CC2D2B: variants seen among roughly 807,000 people sequenced by gnomAD.
The protein encoded by CC2D2B is coiled-coil and C2 domain containing 2B, also known as protein CC2D2B.
A neutral mutation model predicts 161.2 loss-of-function variants in CC2D2B; 128 were observed. The observed-to-expected ratio is 0.79, with a 90% CI of 0.69 to 0.92. CC2D2B has a LOEUF of 0.92. Among genes scored for constraint, CC2D2B ranks in the 40% least tolerant of loss-of-function variants. The pLI is 0.00. For synonymous variants in CC2D2B, 391 were observed against 449.8 expected, an observed-to-expected ratio of 0.87 and a Z score of 1.65; for missense variants, 1,173 against 1,375.1, an observed-to-expected ratio of 0.85 and a Z score of 2.32.
At chr10:95,971,628 A>T (rs2077136250) in intron 15 of CC2D2B, among the ~76,000 whole-genome samples, 1 of 152,082 alleles carries the variant, frequency 6.6e-6, no homozygotes, top group Non-Finnish European at 1.5e-5. Context: ...CTTTTTCCTA[A>T]GCAATTCAAC....
chr10:95,927,295 G>T lies in CC2D2B; in HGVS notation c.299G>T (p.Gly100Val). Residue 100 changes from glycine (G) to valine (V), a missense_variant, in exon 6 of 35, where the codon GGT becomes GTT. By Grantham distance (109) the Gly-to-Val change is moderately radical. Transcript: ENST00000646931. ...DESLSFFILS[G>V]EEGSALGKSS... ...AGTCTTTCATTTTTCATTCTGAGTG[G>T]TGAAGAAGGTTCAGCTTTGGGCAAG... 6.4e-7 allele frequency: 1 copy of T among 1,551,522 alleles called. No individual in the cohort carries two copies.
intron 3 of CC2D2B, 142 bp from the exon 4 acceptor site, chr10:95,924,172 T>C: frequency 2.1e-6 from 1 of 467,798 alleles, no homozygotes; most frequent in Non-Finnish European, 3.8e-6. Flanking sequence ...TAAGCTCTCA[T>C]AAGATAATAA....
At position 96,031,983 on chromosome 10, in the gene CC2D2B, T is replaced by C; in HGVS notation, c.4289T>C (p.Leu1430Ser). Reference sequence around the variant, plus strand: ...AACATATTATCTGTGTGGGTCTATTTGGCTTCCTTAGTTCAACATCAATGA... The same window carrying C: ...AACATATTATCTGTGTGGGTCTATTCGGCTTCCTTAGTTCAACATCAATGA... ...PNNILSVWVYLASLVQHQ is the reference protein window; with the variant it reads ...PNNILSVWVYSASLVQHQ The change falls in exon 35 of 35, where the codon TTG becomes TCG. Residue 1430 changes from leucine to serine, a missense_variant. Physicochemically the swap from Leu to Ser is moderately radical, Grantham distance 145. Coordinates refer to ENST00000646931, the MANE Select transcript of CC2D2B (RefSeq NM_001349008.3). 6.2e-7 allele frequency: 1 copy of C among 1,613,450 alleles called. No homozygotes were observed. The highest frequency in any genetic ancestry group is 8.5e-7 in the Non-Finnish European group (1 of 1,179,632).
chr10:95,937,102 A>G (rs1253363076), intron 6 of CC2D2B, among the ~76,000 whole-genome samples: 1 of 152,220 alleles, frequency 6.6e-6, no homozygotes, highest in Non-Finnish European at 1.5e-5. Context: ...GTATGATGAT[A>G]TGATTTTATA....
At chr10:95,916,160 C>G (rs10882688) in intron 2 of CC2D2B, among the ~76,000 whole-genome samples, 29,323 of 151,854 alleles carry the variant, frequency 0.19, 3,851 homozygotes, top group African/African-American at 0.37. Context: ...TTATTCATTT[C>G]TTCTAGGTTT....
intron 3 of CC2D2B, among the ~76,000 whole-genome samples, chr10:95,923,293 G>T (rs993493273): frequency 6.6e-6 from 1 of 151,916 alleles, no homozygotes; most frequent in Non-Finnish European, 1.5e-5. Context: ...GCTATGTTGC[G>T]CAAGCTGGTC....
intron 3 of CC2D2B, among the ~76,000 whole-genome samples, chr10:95,923,861 A>G (rs2098532924): frequency 6.6e-6 from 1 of 152,180 alleles, no homozygotes; most frequent in African/African-American, 2.4e-5. Flanking sequence ...CTAAAAATAC[A>G]AAAAAGAAAG....
intron 2 of CC2D2B, among the ~76,000 whole-genome samples, chr10:95,917,100 T>A (rs909002957): frequency 8.5e-5 from 13 of 152,214 alleles, no homozygotes; most frequent in African/African-American, 3.1e-4. Flanking sequence ...TATGTACAAT[T>A]ATGACATCCT....
intron 32 of CC2D2B, among the ~76,000 whole-genome samples, chr10:96,023,593 A>C (rs1323630239): frequency 6.6e-6 from 1 of 152,232 alleles, no homozygotes; most frequent in Non-Finnish European, 1.5e-5. Flanking sequence ...CGTTGGTGAC[A>C]GTAATCAGGG....
At chr10:95,927,211 C>T (rs2098540982) in intron 5 of CC2D2B, 26 bp from the exon 6 acceptor site, 6 of 1,299,532 alleles carry the variant, frequency 4.6e-6, no homozygotes, top group Non-Finnish European at 5.4e-6. Context: ...GTGTTTATTT[C>T]AACACTAAAT....
chr10:96,017,563 T>C (rs1242052922), intron 30 of CC2D2B, among the ~76,000 whole-genome samples: 1 of 152,120 alleles, frequency 6.6e-6, no homozygotes, highest in African/African-American at 2.4e-5. Context: ...GCAAGGGCTG[T>C]GAAGTCGAGG....
At position 95,938,434 on chromosome 10, in the gene CC2D2B, G is replaced by A. The variant is rs928489934; in HGVS notation, c.536-135G>A. On this transcript the variant is annotated intron_variant, in intron 7 of 34. Coordinates refer to ENST00000646931, the MANE Select transcript of CC2D2B (RefSeq NM_001349008.3). ...AGAGAGAGAGCGAGCGAGAAAGTAA[G>A]AGACAGTGAGAGAGAGGCTTTCTGC... The A allele has an allele frequency of 2.8e-5, 17 of 601,266 alleles. No individual in the cohort carries two copies. In the Admixed American group the frequency reaches 5.5e-4, roughly 19 times the overall value. 37.2% of individuals were successfully genotyped at this position (601,266 alleles called of 1,614,324 possible).
In CC2D2B at chr10:96,013,080, G is replaced by A. The variant is rs147090927; in HGVS notation, c.3426+351G>A. Among the ~76,000 whole-genome samples, 320 of 152,294 alleles carry A rather than the reference G, an allele frequency of 2.1e-3. 2 individuals are homozygous for A. The highest frequency in any genetic ancestry group is 7.0e-3 in the African/African-American group (292 of 41,562). ...TGAGCTCCTTTGCTTGTCAAGGATT[G>A]TGAGTCTTGTTCATTAATTGCATGA... On this transcript the variant is annotated intron_variant, in intron 28 of 34. Coordinates refer to ENST00000646931, the MANE Select transcript of CC2D2B (RefSeq NM_001349008.3).
Position 96,013,790 on chromosome 10 carries a change from C to A in CC2D2B, c.3429C>A (p.Asp1143Glu), listed in dbSNP as rs1298513810. ...AATAAATGTGAATATTATTCTAGGA[C>A]CTCATTGCTCGATTTGTATCTTTGA... ...IFLHNSNATF[D>E]LIARFVSLIP... The change falls in exon 29 of 35, where the codon GAC becomes GAA. Residue 1143 changes from aspartate to glutamate, a missense_variant and splice_region_variant. By Grantham distance (45) the Asp-to-Glu change is conservative (BLOSUM62 2). This residue lies in a region of CC2D2B where 598 missense variants were observed against 693.2 expected (regional missense o/e 0.86). Coordinates refer to ENST00000646931, the MANE Select transcript of CC2D2B (RefSeq NM_001349008.3). 3 of 1,590,786 alleles carry A rather than the reference C, an allele frequency of 1.9e-6. No individual in the cohort carries two copies. The highest frequency in any genetic ancestry group is 2.6e-6 in the Non-Finnish European group (3 of 1,163,100).
chr10:96,030,378 A>G lies in CC2D2B; in HGVS notation c.4126-1442A>G, dbSNP rs370800605. On this transcript the variant is annotated intron_variant, in intron 34 of 34. Transcript: ENST00000646931. ...GGCATCCTTTCACCTCTTCTTCCCT[A>G]TAAACTGGCCCAGTGGGTTTTTGAA... Among the ~76,000 whole-genome samples, 3 of 151,840 alleles carry G rather than the reference A, an allele frequency of 2.0e-5. No homozygotes were observed. In the South Asian group the frequency reaches 6.2e-4, roughly 32 times the overall value.
At position 96,028,957 on chromosome 10, in the gene CC2D2B, A is replaced by C. The variant is rs909098140; in HGVS notation, c.4125+1568A>C. Among the ~76,000 whole-genome samples, 8 of 151,958 alleles carry C rather than the reference A, an allele frequency of 5.3e-5. No individual in the cohort carries two copies. The South Asian group carries it at 8.3e-4, about 16-fold the overall frequency. ...CAAACTCATGGAGATAGAGAGTAGAAGCTTACCAGAGGCTGGGAAGGGGAG... is the reference window on the plus strand; with the variant it reads ...CAAACTCATGGAGATAGAGAGTAGACGCTTACCAGAGGCTGGGAAGGGGAG... On this transcript the variant is annotated intron_variant, in intron 34 of 34. Coordinates refer to ENST00000646931, the MANE Select transcript of CC2D2B (RefSeq NM_001349008.3).
intron 1 of CC2D2B, among the ~76,000 whole-genome samples, chr10:95,909,684 G>A (rs1258454658): frequency 6.6e-6 from 1 of 152,202 alleles, no homozygotes; most frequent in East Asian, 1.9e-4. Context: ...GATATGCATT[G>A]TGTAACCATT....
Position 95,986,895 on chromosome 10 carries a change from C to T in CC2D2B, c.2287-1355C>T, listed in dbSNP as rs141596932. Reference sequence around the variant, plus strand: ...TACAGGCATGAGCCACAGTGCCTGGCCAGATTAATAAATTTTATAACATTA... The same window carrying T: ...TACAGGCATGAGCCACAGTGCCTGGTCAGATTAATAAATTTTATAACATTA... On this transcript the variant is annotated intron_variant, in intron 19 of 34. Coordinates refer to ENST00000646931, the MANE Select transcript of CC2D2B (RefSeq NM_001349008.3). 3.9e-4 allele frequency among the ~76,000 whole-genome samples: 60 copies of T among 152,036 alleles called. 2 individuals are homozygous for T. The East Asian group carries it at 0.011, about 28-fold the overall frequency.
chr10:96,024,951 C>T (rs1395549449), intron 33 of CC2D2B, 40 bp downstream of exon 33: 1 of 1,225,820 alleles, frequency 8.2e-7, no homozygotes, highest in South Asian at 1.3e-5. Flanking sequence ...GGTTACCTTT[C>T]AGTCTTCTGA....
Sources: gnomAD v4.1 joint callset for allele counts (sites outside exome capture counted in the v4.1 genomes callset) on GRCh38, gnomAD v4.1.1 for gene constraint, gnomAD v4.1.1 regional missense constraint, MANE v1.5 for transcripts, NCBI Gene and HGNC (gene_info 2026-07-23, HGNC 2026-07-21) for gene names.